The following SPIDR variants were observed in gnomAD, a reference collection of about 807,000 sequenced individuals.
SPIDR encodes DNA repair-scaffolding protein.
A neutral mutation model predicts 104.6 loss-of-function variants in SPIDR; 93 were observed. That is an observed-to-expected ratio of 0.89 (90% CI 0.75 to 1.06). SPIDR has a LOEUF of 1.06. SPIDR is among the 50% of genes least tolerant of loss of function. SPIDR has a pLI of 0.00. For missense variants in SPIDR, 1,154 were observed against 1,111.2 expected (o/e 1.04, Z -0.55); for synonymous variants, 431 against 416.9 (o/e 1.03, Z -0.41).
chr8:47,528,529 T>G (rs1238127504), intron 8 of SPIDR, among the ~76,000 whole-genome samples: 1 of 152,024 alleles, frequency 6.6e-6, no homozygotes, highest in Non-Finnish European at 1.5e-5. Flanking sequence ...TTCCTAAGAT[T>G]AATATGTTAG....
intron 8 of SPIDR, among the ~76,000 whole-genome samples, chr8:47,561,947 G>A (rs1354039556): frequency 3.3e-5 from 5 of 152,250 alleles, no homozygotes; most frequent in African/African-American, 1.2e-4. Flanking sequence ...AGAAAGAGGT[G>A]AGGGAATTAC....
intron 8 of SPIDR, among the ~76,000 whole-genome samples, chr8:47,461,614 T>A (rs2073945909): frequency 6.6e-6 from 1 of 152,122 alleles, no homozygotes; most frequent in South Asian, 2.1e-4. Context: ...CCAGCCTGTT[T>A]GTTTTTTAAT....
At chr8:47,592,281 T>G (rs1588150016) in intron 8 of SPIDR, 1 of 1,161,648 alleles carries the variant, frequency 8.6e-7, no homozygotes, top group Non-Finnish European at 1.3e-6. Flanking sequence ...AAGGCCTGGG[T>G]TGATAGCAGA....
intron 6 of SPIDR, among the ~76,000 whole-genome samples, chr8:47,404,631 C>T (rs1471133072): frequency 3.3e-5 from 5 of 152,108 alleles, no homozygotes; most frequent in Non-Finnish European, 5.9e-5. Flanking sequence ...CAGAGAAATG[C>T]AAATCAAAAC....
At chr8:47,679,141 C>T (rs540526564) in intron 11 of SPIDR, among the ~76,000 whole-genome samples, 1 of 152,352 alleles carries the variant, frequency 6.6e-6, no homozygotes, top group Admixed American at 6.5e-5. Flanking sequence ...TTGCAGCTCA[C>T]TCTGGTGCCT....
intron 2 of SPIDR, 25 bp downstream of exon 2, chr8:47,280,042 C>T (rs2037397796): frequency 6.2e-7 from 1 of 1,603,670 alleles, no homozygotes; most frequent in Admixed American, 1.7e-5. Flanking sequence ...GAATTGTTTT[C>T]CCTGAATGCC....
chr8:47,496,810 ATGTT>A (rs56406549), intron 8 of SPIDR, among the ~76,000 whole-genome samples: 4,757 of 146,012 alleles, frequency 0.033, 157 homozygotes, highest in African/African-American at 0.091. Flanking sequence ...ATCTGGGCCT[ATGTT>A]TGTTTGTTTG....
In SPIDR at chr8:47,637,768, C is replaced by T. The variant is rs188584759; in HGVS notation, c.1545-36033C>T. Among the ~76,000 whole-genome samples the T allele has an allele frequency of 2.8e-3, 421 of 152,254 alleles. 1 individual carries two copies. The highest frequency in any genetic ancestry group is 9.9e-3 in the African/African-American group (411 of 41,554). ...CCTTGATCACCTCCCTGAGGTAGTA[C>T]TTGTCAGGTTTCTGCACTATGAAGT... On this transcript the variant is annotated intron_variant, in intron 10 of 19. Transcript: ENST00000297423.
At chr8:47,498,841 C>T (rs145901754) in intron 8 of SPIDR, among the ~76,000 whole-genome samples, 43 of 152,262 alleles carry the variant, frequency 2.8e-4, no homozygotes, top group African/African-American at 8.2e-4. Flanking sequence ...GAGTAATTGC[C>T]GTGCCCTTAC....
At chr8:47,653,597 A>G (rs2072100585) in intron 10 of SPIDR, among the ~76,000 whole-genome samples, 1 of 152,150 alleles carries the variant, frequency 6.6e-6, no homozygotes. Flanking sequence ...TTGGTTTGTG[A>G]ACTACCTCAC....
intron 10 of SPIDR, among the ~76,000 whole-genome samples, chr8:47,626,663 A>T (rs957635430): frequency 2.6e-5 from 4 of 152,254 alleles, no homozygotes; most frequent in East Asian, 3.8e-4. Flanking sequence ...GCCATCAGAG[A>T]AATGCAAATC....
chr8:47,485,212 G>T (rs554518753), intron 8 of SPIDR, among the ~76,000 whole-genome samples: 1 of 152,342 alleles, frequency 6.6e-6, no homozygotes, highest in African/African-American at 2.4e-5. Flanking sequence ...CCCGTGCAAG[G>T]CTCGGAGGGT....
intron 5 of SPIDR, among the ~76,000 whole-genome samples, chr8:47,374,257 C>T (rs1476938565): frequency 1.3e-5 from 2 of 152,130 alleles, no homozygotes; most frequent in Non-Finnish European, 2.9e-5. Context: ...CATGGTGGCT[C>T]ATGCCTGTAA....
chr8:47,322,045 C>T lies in SPIDR; in HGVS notation c.525+28015C>T, dbSNP rs560772468. ...AGGACATGGGCATGGGCAAGGACTT[C>T]GTGTCTAAAACACCAAAAGCAATGG... On this transcript the variant is annotated intron_variant, in intron 5 of 19. Coordinates refer to ENST00000297423, the MANE Select transcript of SPIDR (RefSeq NM_001080394.4). Among the ~76,000 whole-genome samples, 50 of 152,264 alleles carry T rather than the reference C, an allele frequency of 3.3e-4. No individual in the cohort carries two copies. In the East Asian group the frequency reaches 9.1e-3, roughly 28 times the overall value.
chr8:47,576,164 T>C (rs778117276), intron 8 of SPIDR, among the ~76,000 whole-genome samples: 25 of 151,288 alleles, frequency 1.7e-4, no homozygotes, highest in Non-Finnish European at 3.4e-4. Context: ...TATTTATTTA[T>C]TTATTTTGAG....
chr8:47,376,224 T>A lies in SPIDR; in HGVS notation c.526-20152T>A, dbSNP rs538896317. Among the ~76,000 whole-genome samples the A allele has an allele frequency of 4.6e-5, 7 of 152,308 alleles. No homozygotes were observed. The South Asian group carries it at 1.5e-3, about 32-fold the overall frequency. On this transcript the variant is annotated intron_variant, in intron 5 of 19. Transcript: ENST00000297423. ...ATTTCTGGCTAGCTTTAAACATGGA[T>A]GAGATCACGTGCCAAGTAATGTGAG...
chr8:47,687,066 C>A (rs1012384280), intron 11 of SPIDR, among the ~76,000 whole-genome samples: 5 of 151,820 alleles, frequency 3.3e-5, no homozygotes, highest in African/African-American at 4.8e-5. Context: ...TAGTAGTTTT[C>A]ATTACTGTTA....
intron 10 of SPIDR, among the ~76,000 whole-genome samples, chr8:47,648,930 G>A (rs996193687): frequency 2.0e-5 from 3 of 152,204 alleles, no homozygotes; most frequent in African/African-American, 7.2e-5. Flanking sequence ...GATATTAGAC[G>A]GTTTCACAGT....
chr8:47,608,335 C>G (rs2063215661), intron 10 of SPIDR, among the ~76,000 whole-genome samples: 1 of 152,126 alleles, frequency 6.6e-6, no homozygotes, highest in African/African-American at 2.4e-5. Context: ...TATTTTATTT[C>G]TCTTTTGAGT....
Sources: allele counts gnomAD v4.1 joint callset (sites outside exome capture counted in the v4.1 genomes callset), GRCh38; gene constraint gnomAD v4.1.1; transcripts MANE v1.5; gene names NCBI Gene and HGNC (gene_info 2026-07-23, HGNC 2026-07-21).